The following AAGAB variants were observed in gnomAD, a reference collection of about 807,000 sequenced individuals.
AAGAB encodes alpha- and gamma-adaptin-binding protein p34.
In AAGAB, 38 loss-of-function variants were observed where a neutral mutation model predicts 44.1. The ratio of observed to expected loss-of-function variants is 0.86; its 90% confidence interval spans 0.67 to 1.13. The LOEUF is 1.13. Among genes scored for constraint, AAGAB ranks in the 50% most tolerant of loss-of-function variants. AAGAB has a pLI of 0.00. For missense variants in AAGAB, 450 were observed against 373.8 expected, an observed-to-expected ratio of 1.20 and a Z score of -1.68; for synonymous variants, 131 against 131.8, an observed-to-expected ratio of 0.99 and a Z score of 0.04.
rs199749230 is a variant in AAGAB at position 67,208,610 on chromosome 15, G to A, written c.667C>T (p.Arg223Trp). The A allele has an allele frequency of 8.1e-6, 13 of 1,614,150 alleles. No individual in the cohort carries two copies. The highest frequency in any genetic ancestry group is 5.0e-5 in the Admixed American group (3 of 60,010). The change falls in exon 7 of 10, where the codon CGG (arginine) becomes TGG (tryptophan). Residue 223 changes from arginine to tryptophan, a missense_variant. Transcript: ENST00000261880. ...ADSTESLSDH[R>W]GGASNTTDAQ... ...TCTGTTGTGTTAGATGCACCACCCC[G>A]ATGATCAGAGAGGGATTCAGTACTA...
Position 67,219,827 on chromosome 15 carries a change from C to A in AAGAB, c.536-10283G>T, listed in dbSNP as rs972747339. Among the ~76,000 whole-genome samples the A allele has an allele frequency of 2.0e-5, 3 of 152,114 alleles. No individual in the cohort carries two copies. The East Asian group carries it at 5.8e-4, about 29-fold the overall frequency. ...GGAGCCAAGGATATAAAACTAAGTT[C>A]TAAGTTAATATAGAAGTTATATCTA... On this transcript the variant is annotated intron_variant, in intron 5 of 9. Transcript: ENST00000261880.
chr15:67,209,349 T>C, intron 6 of AAGAB, 113 bp downstream of exon 6: 1 of 947,962 alleles, frequency 1.1e-6, no homozygotes, highest in Non-Finnish European at 1.7e-6. Flanking sequence ...ATTTTTAACA[T>C]TCTCTGTCAC....
intron 1 of AAGAB, among the ~76,000 whole-genome samples, chr15:67,239,222 C>T (rs187002472): frequency 1.3e-5 from 2 of 152,076 alleles, no homozygotes; most frequent in Non-Finnish European, 2.9e-5. Flanking sequence ...TGCTCCTCGA[C>T]ATGAGAAATA....
intron 7 of AAGAB, among the ~76,000 whole-genome samples, chr15:67,204,389 T>A (rs1157370079): frequency 6.6e-6 from 1 of 152,160 alleles, no homozygotes; most frequent in African/African-American, 2.4e-5. Flanking sequence ...ATTTTAAAGA[T>A]GAGAAAACCA....
chr15:67,240,860 C>G (rs1462371010), intron 1 of AAGAB, among the ~76,000 whole-genome samples: 1 of 152,120 alleles, frequency 6.6e-6, no homozygotes, highest in Non-Finnish European at 1.5e-5. Context: ...CCTGCATATC[C>G]TAATAATGAT....
chr15:67,231,094 C>T (rs1964323822), intron 5 of AAGAB, among the ~76,000 whole-genome samples: 2 of 152,066 alleles, frequency 1.3e-5, no homozygotes, highest in South Asian at 4.2e-4. Context: ...GGCTGGTGTG[C>T]AGTGGCATGA....
intron 1 of AAGAB, among the ~76,000 whole-genome samples, chr15:67,247,956 A>G (rs1204392041): frequency 2.6e-5 from 4 of 152,154 alleles, no homozygotes; most frequent in Admixed American, 2.0e-4. Context: ...AGTTGACCAT[A>G]TTTTACATGT....
intron 5 of AAGAB, among the ~76,000 whole-genome samples, chr15:67,210,360 C>CA: frequency 6.6e-6 from 1 of 151,676 alleles, no homozygotes. Flanking sequence ...ACTAAAATTA[C>CA]AAAAAATTAG....
At chr15:67,210,928 C>T (rs1380068485) in intron 5 of AAGAB, among the ~76,000 whole-genome samples, 2 of 152,180 alleles carry the variant, frequency 1.3e-5, no homozygotes, top group African/African-American at 4.8e-5. Context: ...TTTCTCCCAC[C>T]TTGCCTTTCC....
chr15:67,222,236 G>GCACACA (rs1428034588), intron 5 of AAGAB, among the ~76,000 whole-genome samples: 16 of 39,228 alleles, frequency 4.1e-4, no homozygotes, highest in African/African-American at 1.3e-3. Flanking sequence ...GCGCACGCGC[G>GCACACA]CGCGCGCACA....
intron 5 of AAGAB, among the ~76,000 whole-genome samples, chr15:67,216,311 G>A (rs981506124): frequency 5.3e-5 from 8 of 151,514 alleles, no homozygotes; most frequent in South Asian, 2.1e-4. Flanking sequence ...GCGTGGTGGC[G>A]TGTGCCTGTA....
chr15:67,233,429 G>C (rs1408186218), intron 4 of AAGAB, among the ~76,000 whole-genome samples: 2 of 152,216 alleles, frequency 1.3e-5, no homozygotes, highest in African/African-American at 4.8e-5. Context: ...CGTGTACAAA[G>C]GAAATGGGGA....
chr15:67,212,139 C>A (rs1024027850), intron 5 of AAGAB, among the ~76,000 whole-genome samples: 2 of 152,154 alleles, frequency 1.3e-5, no homozygotes, highest in Non-Finnish European at 2.9e-5. Context: ...CCTTGGCCTT[C>A]CAAAGTGCTG....
rs190648846 is a variant in AAGAB at position 67,224,605 on chromosome 15, C to G, written c.535+7209G>C. Among the ~76,000 whole-genome samples the G allele has an allele frequency of 7.4e-4, 101 of 137,140 alleles. 3 individuals carry two copies. In the East Asian group the frequency reaches 0.013, roughly 18 times the overall value. 90.0% of individuals were successfully genotyped at this position (137,140 alleles called of 152,430 possible). A position where few individuals can be genotyped will look rare whatever the true frequency, so the allele number is the denominator to read the frequency against. The stretch of plus-strand genomic sequence containing the variant: ...CTTTTCTTTTTTTTTTTTTTTTGAG[C>G]AGTCTCACTCTGTTGCCCAGGCTGG... On this transcript the variant is annotated intron_variant, in intron 5 of 9. Transcript: ENST00000261880.
At position 67,202,571 on chromosome 15, in the gene AAGAB, C is replaced by CA. The variant is rs990467082; in HGVS notation, c.*249dup. On this transcript the variant is annotated 3_prime_UTR_variant, in exon 10 of 10. Coordinates refer to ENST00000261880, the MANE Select transcript of AAGAB (RefSeq NM_024666.5). ...ATTTATCCTACCCTCATTCCTAGAA[C>CA]AAAAAAAAAGTATATTTAAGAAATC... The CA allele has an allele frequency of 5.3e-4, 242 of 454,942 alleles. No homozygotes were observed. The highest frequency in any genetic ancestry group is 1.2e-3 in the Middle Eastern group (2 of 1,688). The allele number at this position is 454,942 out of a possible 1,614,324, so 28.2% of individuals were successfully genotyped here.
chr15:67,245,387 C>G (rs1252998547), intron 1 of AAGAB, among the ~76,000 whole-genome samples: 1 of 152,156 alleles, frequency 6.6e-6, no homozygotes, highest in East Asian at 1.9e-4. Flanking sequence ...ACACAAAAGA[C>G]CACATATTAT....
intron 5 of AAGAB, among the ~76,000 whole-genome samples, chr15:67,222,242 G>GCGCGCGCGCGCGCACACACACACACACA (rs1367738219): frequency 2.2e-5 from 2 of 90,044 alleles, no homozygotes; most frequent in African/African-American, 7.5e-5. Context: ...GCGCGCGCGC[G>GCGCGCGCGCGCGCACACACACACACACA]CACACACACA....
At chr15:67,223,119 T>C (rs2140362335) in intron 5 of AAGAB, among the ~76,000 whole-genome samples, 1 of 152,338 alleles carries the variant, frequency 6.6e-6, no homozygotes, top group South Asian at 2.1e-4. Flanking sequence ...TACTGGTTCC[T>C]TCTCTTCTCT....
chr15:67,236,051 C>G lies in AAGAB; in HGVS notation c.379G>C (p.Ala127Pro). ...CCATGTTTGATGCACCATTCTTGAGCTTTTTGTCGGTTTATACCTAAAATA... is the reference window on the plus strand; with the variant it reads ...CCATGTTTGATGCACCATTCTTGAGGTTTTTGTCGGTTTATACCTAAAATA... ...VSEDGINRQK[A>P]QEWCIKHGFE... is the part of the protein sequence containing the mutation. Residue 127 changes from alanine (A) to proline (P), a missense_variant, in exon 4 of 10, where the codon GCT becomes CCT. Ala to Pro is a conservative substitution (Grantham distance 27). Transcript: ENST00000261880. 6.2e-7 allele frequency: 1 copy of G among 1,612,590 alleles called. No individual in the cohort carries two copies. Among genetic ancestry groups the G allele is most frequent in the Non-Finnish European group, 8.5e-7 (1 of 1,179,130 alleles).
Sources: allele counts gnomAD v4.1 joint callset (sites outside exome capture counted in the v4.1 genomes callset), GRCh38; gene constraint gnomAD v4.1.1; transcripts MANE v1.5; gene names NCBI Gene and HGNC (gene_info 2026-07-23, HGNC 2026-07-21).